Variants in JAZF1 observed in about 807,000 individuals in gnomAD.
The protein encoded by JAZF1 is JAZF zinc finger 1, also known as juxtaposed with another zinc finger protein 1.
In JAZF1, 8 loss-of-function variants were observed where a neutral mutation model predicts 26.4. The observed-to-expected ratio is 0.30, with a 90% CI of 0.18 to 0.55. The LOEUF is 0.55. Among genes scored for constraint, JAZF1 ranks in the 20% least tolerant of loss-of-function variants. The pLI, the probability that JAZF1 is intolerant of heterozygous loss-of-function variation, is 0.94. For synonymous variants in JAZF1, 126 were observed against 122.3 expected (o/e 1.03, Z -0.20); for missense variants, 199 against 322.0 (o/e 0.62, Z 2.92).
chr7:27,850,651 A>G (rs1783127718), intron 3 of JAZF1, among the ~76,000 whole-genome samples: 1 of 151,968 alleles, frequency 6.6e-6, no homozygotes, highest in African/African-American at 2.4e-5. Context: ...CACAGCTTCA[A>G]CTCTTGACTC....
At chr7:28,170,337 A>ATGTGTGTGTGTG (rs61200785) in intron 1 of JAZF1, among the ~76,000 whole-genome samples, 32 of 98,558 alleles carry the variant, frequency 3.2e-4, no homozygotes, top group South Asian at 6.0e-4. Flanking sequence ...AGAAGTTGAT[A>ATGTGTGTGTGTG]TGTGTGTGTG....
At chr7:28,102,388 C>G (rs1784486637) in intron 1 of JAZF1, among the ~76,000 whole-genome samples, 1 of 152,202 alleles carries the variant, frequency 6.6e-6, no homozygotes, top group South Asian at 2.1e-4. Flanking sequence ...GCTTAAGGCT[C>G]TGTGAATAGA....
At chr7:28,088,105 G>T (rs1016296772) in intron 1 of JAZF1, among the ~76,000 whole-genome samples, 3 of 152,118 alleles carry the variant, frequency 2.0e-5, no homozygotes, top group African/African-American at 7.2e-5. Context: ...TGAAAACCAG[G>T]GGGTCTGAAA....
At chr7:27,957,206 C>G (rs1785111436) in intron 2 of JAZF1, among the ~76,000 whole-genome samples, 1 of 152,196 alleles carries the variant, frequency 6.6e-6, no homozygotes, top group Non-Finnish European at 1.5e-5. Context: ...CAGCCAGACC[C>G]TGACATCAGT....
intron 4 of JAZF1, among the ~76,000 whole-genome samples, chr7:27,834,520 C>G (rs1782768648): frequency 6.6e-6 from 1 of 152,244 alleles, no homozygotes. Context: ...CAGCCCTGTC[C>G]TTCCAGCATC....
intron 1 of JAZF1, among the ~76,000 whole-genome samples, chr7:28,082,559 C>G (rs1272546242): frequency 6.6e-6 from 1 of 152,172 alleles, no homozygotes; most frequent in Non-Finnish European, 1.5e-5. Flanking sequence ...CTCCAGCTGC[C>G]TATTGGACAT....
At chr7:28,001,278 GGA>G (rs1212718598) in intron 1 of JAZF1, among the ~76,000 whole-genome samples, 1 of 152,012 alleles carries the variant, frequency 6.6e-6, no homozygotes, top group Non-Finnish European at 1.5e-5. Context: ...TTTGAACACG[GGA>G]GATAGAGGTT....
chr7:27,967,969 T>C (rs567436213), intron 2 of JAZF1, among the ~76,000 whole-genome samples: 1 of 152,222 alleles, frequency 6.6e-6, no homozygotes, highest in African/African-American at 2.4e-5. Context: ...ATTCCACTTA[T>C]AATAATATAT....
chr7:27,988,920 TA>T (rs57661404), intron 2 of JAZF1, among the ~76,000 whole-genome samples: 31,117 of 83,542 alleles, frequency 0.37, 4,597 homozygotes, highest in Middle Eastern at 0.47. Context: ...AGAATCTCTG[TA>T]AAAAAAAAAA....
chr7:28,150,074 C>G (rs564429275), intron 1 of JAZF1, among the ~76,000 whole-genome samples: 6 of 152,306 alleles, frequency 3.9e-5, no homozygotes, highest in South Asian at 2.1e-4. Flanking sequence ...CCTTCAGGAA[C>G]TTTCTAGGGG....
intron 1 of JAZF1, among the ~76,000 whole-genome samples, chr7:28,057,589 T>C (rs1392335482): frequency 6.6e-6 from 1 of 152,212 alleles, no homozygotes; most frequent in Non-Finnish European, 1.5e-5. Context: ...AAAGAGAATG[T>C]TATAATGAAT....
chr7:27,851,645 G>T (rs905901854), intron 3 of JAZF1, among the ~76,000 whole-genome samples: 1 of 152,164 alleles, frequency 6.6e-6, no homozygotes, highest in African/African-American at 2.4e-5. Context: ...AGTGAGTGGT[G>T]ATGGCACCAC....
chr7:27,873,488 C>T (rs528179547), intron 3 of JAZF1, among the ~76,000 whole-genome samples: 1 of 152,204 alleles, frequency 6.6e-6, no homozygotes, highest in Non-Finnish European at 1.5e-5. Flanking sequence ...CCCCAACCAT[C>T]CCCTGGCTGG....
intron 3 of JAZF1, among the ~76,000 whole-genome samples, chr7:27,846,019 TG>T (rs1174982598): frequency 1.3e-5 from 2 of 152,040 alleles, no homozygotes; most frequent in Non-Finnish European, 2.9e-5. Flanking sequence ...CGTTCCTGCT[TG>T]GGGGTCCAGA....
intron 1 of JAZF1, among the ~76,000 whole-genome samples, chr7:28,039,109 G>A (rs1428050678): frequency 6.6e-6 from 1 of 152,184 alleles, no homozygotes; most frequent in Non-Finnish European, 1.5e-5. Context: ...TGATTGCTCT[G>A]CATATGGAAC....
intron 3 of JAZF1, among the ~76,000 whole-genome samples, chr7:27,893,889 C>T (rs1175637032): frequency 6.6e-6 from 1 of 152,116 alleles, no homozygotes; most frequent in Non-Finnish European, 1.5e-5. Context: ...CCAGAGTGCG[C>T]TCTGGTCAGC....
intron 1 of JAZF1, among the ~76,000 whole-genome samples, chr7:28,046,758 G>A (rs1464287906): frequency 6.6e-6 from 1 of 152,120 alleles, no homozygotes; most frequent in Non-Finnish European, 1.5e-5. Flanking sequence ...ATTTTGATAT[G>A]TTAAATAGTC....
chr7:28,132,538 T>C (rs1271543395), intron 1 of JAZF1, among the ~76,000 whole-genome samples: 1 of 152,124 alleles, frequency 6.6e-6, no homozygotes, highest in Non-Finnish European at 1.5e-5. Context: ...AAAGTGAAAT[T>C]ATTGCGACGG....
At chr7:27,883,496 T>C (rs1250808031) in intron 3 of JAZF1, among the ~76,000 whole-genome samples, 1 of 152,202 alleles carries the variant, frequency 6.6e-6, no homozygotes, top group African/African-American at 2.4e-5. Flanking sequence ...TTATAAAAAA[T>C]AACACAGAAA....
Sources: gnomAD v4.1 joint callset for allele counts (sites outside exome capture counted in the v4.1 genomes callset) on GRCh38, gnomAD v4.1.1 for gene constraint, MANE v1.5 for transcripts, NCBI Gene and HGNC (gene_info 2026-07-23, HGNC 2026-07-21) for gene names.